The following ANKIB1 variants were observed in gnomAD, a reference collection of about 807,000 sequenced individuals.
ANKIB1 encodes the protein ankyrin repeat and IBR domain-containing protein 1.
A neutral mutation model predicts 122.1 loss-of-function variants in ANKIB1; 43 were observed. The observed-to-expected ratio is 0.35, with a 90% CI of 0.28 to 0.45. The LOEUF is 0.45. ANKIB1 is among the 20% of genes least tolerant of loss of function. The probability of loss-of-function intolerance (pLI) is 1.00; values close to 1 mark genes in which losing one functional copy is unlikely to be tolerated. For missense variants in ANKIB1, 992 were observed against 1,329.5 expected (o/e 0.75, Z 3.95); for synonymous variants, 390 against 442.0 (o/e 0.88, Z 1.48).
chr7:92,352,713 T>G (rs769325757), intron 9 of ANKIB1, 71 bp downstream of exon 9: 35 of 1,457,778 alleles, frequency 2.4e-5, no homozygotes, highest in Non-Finnish European at 3.0e-5. Context: ...CTTTGCACCT[T>G]GAGTCAGGCC....
chr7:92,366,631 TC>T (rs775649003), intron 10 of ANKIB1, among the ~76,000 whole-genome samples: 19 of 152,306 alleles, frequency 1.2e-4, no homozygotes, highest in Admixed American at 9.8e-4. Flanking sequence ...CTTCCATCTT[TC>T]CAAATCAAAA....
intron 1 of ANKIB1, among the ~76,000 whole-genome samples, chr7:92,269,641 T>C (rs1447942528): frequency 2.0e-5 from 3 of 152,192 alleles, no homozygotes; most frequent in African/African-American, 4.8e-5. Context: ...TATGTAAGCC[T>C]ATGGTAACTT....
chr7:92,338,934 ATATATATAT>A (rs1295509137), intron 5 of ANKIB1, among the ~76,000 whole-genome samples: 154 of 13,486 alleles, frequency 0.011, 4 homozygotes, highest in Non-Finnish European at 0.018. Flanking sequence ...AAAAAAAAAA[ATATATATAT>A]ATATATATAT....
At chr7:92,333,517 C>T (rs896752362) in intron 5 of ANKIB1, among the ~76,000 whole-genome samples, 3 of 152,192 alleles carry the variant, frequency 2.0e-5, no homozygotes, top group Admixed American at 6.5e-5. Flanking sequence ...GGGATGCCCT[C>T]TCTGACCTCC....
rs80174068 is a variant in ANKIB1 at position 92,289,741 on chromosome 7, T to C, written c.-90-5148T>C. 2.9e-3 allele frequency among the ~76,000 whole-genome samples: 442 copies of C among 152,328 alleles called. 5 individuals carry two copies. In the East Asian group the frequency reaches 0.048, roughly 17 times the overall value. The stretch of plus-strand genomic sequence containing the variant: ...CATGTTGACTGGGGGAATGAACAGG[T>C]TGAGAGCTTAGTATTTTATTTGCCC... On this transcript the variant is annotated intron_variant, in intron 1 of 19. Coordinates refer to ENST00000265742, the MANE Select transcript of ANKIB1 (RefSeq NM_019004.2).
intron 3 of ANKIB1, 148 bp from the exon 4 acceptor site, chr7:92,319,182 C>CT (rs1292818656): frequency 0.014 from 4,916 of 362,334 alleles, 37 homozygotes; most frequent in African/African-American, 0.039. Context: ...ATCTAAATAC[C>CT]TTTTTTTTTT....
At chr7:92,389,848 A>G in intron 14 of ANKIB1, 123 bp from the exon 15 acceptor site, 1 of 1,007,772 alleles carries the variant, frequency 9.9e-7, no homozygotes, top group South Asian at 1.6e-5. Context: ...ACAGTTACTT[A>G]AAACAGTTTT....
chr7:92,397,263 G>A (rs371822771), intron 18 of ANKIB1, among the ~76,000 whole-genome samples: 2 of 151,988 alleles, frequency 1.3e-5, no homozygotes, highest in African/African-American at 2.4e-5. Flanking sequence ...CAAGGTGTGC[G>A]GATCACAATG....
At chr7:92,295,679 T>G (rs1802340583) in intron 2 of ANKIB1, among the ~76,000 whole-genome samples, 1 of 152,208 alleles carries the variant, frequency 6.6e-6, no homozygotes, top group South Asian at 2.1e-4. Flanking sequence ...TTTCCTTTCT[T>G]TTAATGGGAT....
At chr7:92,296,278 A>AGTGGTGTGATCATAATTTGCT (rs1802354454) in intron 2 of ANKIB1, among the ~76,000 whole-genome samples, 3 of 151,304 alleles carry the variant, frequency 2.0e-5, no homozygotes, top group Admixed American at 6.6e-5. Context: ...GCTGGAGTGT[A>AGTGGTGTGATCATAATTTGCT]GTGGTGTGAT....
At chr7:92,266,012 G>C (rs1801665520) in intron 1 of ANKIB1, among the ~76,000 whole-genome samples, 1 of 152,196 alleles carries the variant, frequency 6.6e-6, no homozygotes, top group Non-Finnish European at 1.5e-5. Flanking sequence ...AAATGTAGTT[G>C]AAGAAGTAGG....
rs183095345 is a variant in ANKIB1, at chr7:92,287,865, C to G, written c.-90-7024C>G. On this transcript the variant is annotated intron_variant, in intron 1 of 19. Transcript: ENST00000265742. ...CCTGGCTAACATGGTGAAACCCCAT[C>G]TCTACTAAAAATACAAAAAAATTAG... Among the ~76,000 whole-genome samples, 962 of 151,948 alleles carry G rather than the reference C, an allele frequency of 6.3e-3. 7 individuals are homozygous for G. The highest frequency in any genetic ancestry group is 0.022 in the African/African-American group (916 of 41,340).
At chr7:92,371,751 G>A (rs754222207) in intron 11 of ANKIB1, 144 bp downstream of exon 11, 6 of 942,392 alleles carry the variant, frequency 6.4e-6, no homozygotes, top group Non-Finnish European at 9.2e-6. Flanking sequence ...GTTGAGGCAG[G>A]AGGATCACTT....
chr7:92,383,492 A>G (rs1160038291), intron 11 of ANKIB1, among the ~76,000 whole-genome samples: 1 of 152,238 alleles, frequency 6.6e-6, no homozygotes, highest in Non-Finnish European at 1.5e-5. Context: ...AAAATCCTCA[A>G]TAAATACTGG....
Position 92,352,533 on chromosome 7 carries a change from G to C in ANKIB1, c.1288G>C (p.Ala430Pro). Residue 430 changes from alanine (A) to proline (P), a missense_variant, in exon 9 of 20, where the codon GCA (alanine) becomes CCA (proline). Coordinates refer to ENST00000265742, the MANE Select transcript of ANKIB1 (RefSeq NM_019004.2). The part of the protein sequence containing the change: ...KWCPTPGCDR[A>P]VRLTKQGSNT... ...GTGTCCTACTCCAGGCTGTGACAGA[G>C]CAGTAAGACTAACGAAACAAGGGTC... 1 of 1,613,824 alleles carries C rather than the reference G, an allele frequency of 6.2e-7. No homozygotes were observed. Among genetic ancestry groups the C allele is most frequent in the Non-Finnish European group, 8.5e-7 (1 of 1,179,832 alleles).
Position 92,399,105 on chromosome 7 carries a change from A to T in ANKIB1, c.*156A>T. On this transcript the variant is annotated 3_prime_UTR_variant, in exon 20 of 20. Coordinates refer to ENST00000265742, the MANE Select transcript of ANKIB1 (RefSeq NM_019004.2). ...AGAAGTTCCCTTGAATGGTAGCTTC[A>T]TTTTTTATTTTAACCTTACAGGGAA... The T allele has an allele frequency of 1.4e-6, 1 of 728,936 alleles. No individual in the cohort carries two copies. The allele number at this position is 728,936 out of a possible 1,614,324, so 45.2% of individuals were successfully genotyped here. A position where few individuals can be genotyped will look rare whatever the true frequency, so the allele number is the denominator to read the frequency against.
chr7:92,318,354 A>G (rs1338609388), intron 3 of ANKIB1, among the ~76,000 whole-genome samples: 2 of 152,084 alleles, frequency 1.3e-5, no homozygotes, highest in African/African-American at 4.8e-5. Flanking sequence ...CATCTCTACT[A>G]AAAATACAAA....
At chr7:92,262,182 A>G (rs1242427076) in intron 1 of ANKIB1, among the ~76,000 whole-genome samples, 1 of 152,228 alleles carries the variant, frequency 6.6e-6, no homozygotes, top group Non-Finnish European at 1.5e-5. Context: ...ACTCCCTCCT[A>G]AATGTAACTG....
At position 92,363,355 on chromosome 7, in the gene ANKIB1, G is replaced by A. The variant is rs374203422; in HGVS notation, c.1486+1082G>A. Among the ~76,000 whole-genome samples, 48 of 152,208 alleles carry A rather than the reference G, an allele frequency of 3.2e-4. 1 individual carries two copies. The highest frequency in any genetic ancestry group is 9.9e-4 in the African/African-American group (41 of 41,538). Reference sequence around the variant, plus strand: ...GAACCCAGGAGGTGGAGATTGCAGTGAGGCAAGATTGCGCCACTGCACTCC... The same window carrying A: ...GAACCCAGGAGGTGGAGATTGCAGTAAGGCAAGATTGCGCCACTGCACTCC... On this transcript the variant is annotated intron_variant, in intron 10 of 19. Transcript: ENST00000265742.
Sources: gnomAD v4.1 joint callset for allele counts (sites outside exome capture counted in the v4.1 genomes callset) on GRCh38, gnomAD v4.1.1 for gene constraint, MANE v1.5 for transcripts, NCBI Gene and HGNC (gene_info 2026-07-23, HGNC 2026-07-21) for gene names.